The following ADAMTSL1 variants were observed in gnomAD, a reference collection of about 807,000 sequenced individuals.
The protein encoded by ADAMTSL1 is ADAMTS-like protein 1.
Under a neutral mutation model 201.8 loss-of-function variants are expected in ADAMTSL1, and 126 were observed. The observed-to-expected ratio is 0.62, with a 90% CI of 0.54 to 0.72. The LOEUF (loss-of-function observed/expected upper bound fraction) is 0.72. ADAMTSL1 is among the 30% of genes least tolerant of loss of function. The pLI is 0.00. For missense variants in ADAMTSL1, 2,679 were observed against 2,277.8 expected, an observed-to-expected ratio of 1.18 and a Z score of -3.59; for synonymous variants, 1,121 against 903.4, an observed-to-expected ratio of 1.24 and a Z score of -4.32.
At chr9:17,987,725 G>A (rs1818987042) in intron 1 of ADAMTSL1, among the ~76,000 whole-genome samples, 1 of 151,820 alleles carries the variant, frequency 6.6e-6, no homozygotes, top group South Asian at 2.1e-4. Context: ...TTGTTTTTTT[G>A]CTTTGGAGCC....
rs576017270 is a variant in ADAMTSL1, at chr9:18,775,842, C to G, written c.2497C>G (p.Pro833Ala). 3 of 1,605,978 alleles carry G rather than the reference C, an allele frequency of 1.9e-6. No homozygotes were observed. The highest frequency in any genetic ancestry group is 2.6e-6 in the Non-Finnish European group (3 of 1,175,968). ...LSTVVNSTLC[P>A]PLPFSSSIRP... The stretch of plus-strand genomic sequence containing the variant: ...AACGGTTGTCAATTCCACCCTGTGC[C>G]CGCCCCTGCCTTTCTCTTCCTCCAT... The change falls in exon 18 of 29, where the codon CCG becomes GCG. Residue 833 changes from proline (P) to alanine (A), a missense_variant. Physicochemically the swap from Pro to Ala is conservative, Grantham distance 27. Coordinates refer to ENST00000380548, the MANE Select transcript of ADAMTSL1 (RefSeq NM_001040272.6).
At chr9:17,957,428 C>G (rs999799836) in intron 1 of ADAMTSL1, among the ~76,000 whole-genome samples, 2 of 152,164 alleles carry the variant, frequency 1.3e-5, no homozygotes, top group African/African-American at 2.4e-5. Flanking sequence ...AAGGCATGGA[C>G]ATCATCATTG....
chr9:18,884,185 G>GTGTT (rs1276993988), intron 23 of ADAMTSL1, among the ~76,000 whole-genome samples: 7 of 152,296 alleles, frequency 4.6e-5, no homozygotes, highest in African/African-American at 1.7e-4. Context: ...ATCTTTTCAT[G>GTGTT]TGTTTATTGG....
intron 1 of ADAMTSL1, among the ~76,000 whole-genome samples, chr9:18,026,141 C>A (rs1176843242): frequency 2.6e-5 from 4 of 151,944 alleles, no homozygotes; most frequent in Non-Finnish European, 4.4e-5. Flanking sequence ...GGTGTGGAAT[C>A]ATCATCAGTA....
intron 2 of ADAMTSL1, among the ~76,000 whole-genome samples, chr9:18,331,614 G>C (rs2132910736): frequency 6.6e-6 from 1 of 152,194 alleles, no homozygotes; most frequent in East Asian, 1.9e-4. Context: ...CTGGTGTAGA[G>C]GTTGAACTAT....
chr9:18,196,455 C>T (rs979783758), intron 2 of ADAMTSL1, among the ~76,000 whole-genome samples: 1 of 151,930 alleles, frequency 6.6e-6, no homozygotes, highest in African/African-American at 2.4e-5. Flanking sequence ...TGCAGCCAAC[C>T]AACCAGAGTA....
At chr9:18,552,279 T>A (rs571584323) in intron 3 of ADAMTSL1, among the ~76,000 whole-genome samples, 11 of 151,916 alleles carry the variant, frequency 7.2e-5, no homozygotes, top group South Asian at 2.1e-4. Flanking sequence ...TAAAAAAAAA[T>A]TTTCATTATC....
At chr9:18,552,891 A>C (rs1429614271) in intron 3 of ADAMTSL1, among the ~76,000 whole-genome samples, 1 of 150,444 alleles carries the variant, frequency 6.6e-6, no homozygotes, top group Non-Finnish European at 1.5e-5. Context: ...TTTACTTTCC[A>C]CCTTTCTTTA....
intron 19 of ADAMTSL1, among the ~76,000 whole-genome samples, chr9:18,788,811 T>C (rs1458505441): frequency 6.6e-6 from 1 of 152,048 alleles, no homozygotes; most frequent in Admixed American, 6.5e-5. Flanking sequence ...TTCACTGTTT[T>C]CCAGCTCTAA....
chr9:18,886,858 A>G, intron 23 of ADAMTSL1, among the ~76,000 whole-genome samples: 1 of 152,198 alleles, frequency 6.6e-6, no homozygotes. Flanking sequence ...GTATCTCATC[A>G]TCTCCTGCCT....
At chr9:18,862,245 G>A (rs965962381) in intron 23 of ADAMTSL1, among the ~76,000 whole-genome samples, 4 of 152,170 alleles carry the variant, frequency 2.6e-5, no homozygotes, top group Non-Finnish European at 5.9e-5. Context: ...TTGTGTTGGG[G>A]TAAAGGGCGT....
chr9:18,079,453 C>A (rs149424738), intron 1 of ADAMTSL1, among the ~76,000 whole-genome samples: 1 of 151,802 alleles, frequency 6.6e-6, no homozygotes, highest in Non-Finnish European at 1.5e-5. Context: ...CCGAGGTGGG[C>A]GGATCACGAG....
intron 1 of ADAMTSL1, among the ~76,000 whole-genome samples, chr9:18,095,416 C>CT (rs35164794): frequency 0.017 from 1,739 of 100,034 alleles, 70 homozygotes; most frequent in East Asian, 0.053. Flanking sequence ...TTCTTTCTTT[C>CT]TTTTTTTTTT....
intron 2 of ADAMTSL1, among the ~76,000 whole-genome samples, chr9:18,277,462 TG>T (rs1209644733): frequency 9.9e-5 from 15 of 152,228 alleles, no homozygotes; most frequent in South Asian, 2.1e-4. Flanking sequence ...ACTCCTCTAC[TG>T]GGAACATATA....
At chr9:17,931,227 C>T (rs920254538) in intron 1 of ADAMTSL1, among the ~76,000 whole-genome samples, 3 of 152,160 alleles carry the variant, frequency 2.0e-5, no homozygotes, top group Non-Finnish European at 2.9e-5. Flanking sequence ...CCATTCTTCC[C>T]GACTCCACAG....
At chr9:18,707,181 A>G (rs764632580) in intron 14 of ADAMTSL1, 133 bp downstream of exon 14, 10 of 1,156,056 alleles carry the variant, frequency 8.7e-6, no homozygotes, top group Non-Finnish European at 1.2e-5. Context: ...CAGCCATTCT[A>G]AATGTAAAGC....
chr9:18,040,019 G>A (rs961201274), intron 1 of ADAMTSL1, among the ~76,000 whole-genome samples: 3 of 152,110 alleles, frequency 2.0e-5, no homozygotes, highest in Non-Finnish European at 4.4e-5. Flanking sequence ...TCTCCAGGAT[G>A]GTCCTGACTT....
intron 1 of ADAMTSL1, among the ~76,000 whole-genome samples, chr9:18,079,060 T>C (rs1312512962): frequency 6.6e-6 from 1 of 152,172 alleles, no homozygotes; most frequent in African/African-American, 2.4e-5. Context: ...TACTGAACGC[T>C]GAGTGGCCCC....
chr9:18,684,772 G>A lies in ADAMTSL1; in HGVS notation c.1546G>A (p.Glu516Lys). ...PWFKQAQELE[E>K]GAAVSEEPSF... ...GTTCAAACAAGCTCAAGAGCTAGAA[G>A]AAGGAGCTGCTGTGTCAGAGGAGCC... The change falls in exon 13 of 29, where the codon GAA (glutamate) becomes AAA (lysine). Residue 516 changes from glutamate (E) to lysine (K), a missense_variant. Transcript: ENST00000380548. 2 of 1,612,800 alleles carry A rather than the reference G, an allele frequency of 1.2e-6. No homozygotes were observed. The highest frequency in any genetic ancestry group is 1.1e-5 in the South Asian group (1 of 90,356).
Sources: allele counts gnomAD v4.1 joint callset (sites outside exome capture counted in the v4.1 genomes callset), GRCh38; gene constraint gnomAD v4.1.1; transcripts MANE v1.5; gene names NCBI Gene and HGNC (gene_info 2026-07-23, HGNC 2026-07-21).